The following SYT9 variants were observed in gnomAD, a reference collection of about 807,000 sequenced individuals.
The protein encoded by SYT9 is synaptotagmin 9.
In SYT9, 22 loss-of-function variants were observed where a neutral mutation model predicts 48.4. The observed-to-expected ratio is 0.45, with a 90% confidence interval of 0.32 to 0.65. SYT9 has a LOEUF of 0.65. Among genes scored for constraint, SYT9 ranks in the 30% least tolerant of loss-of-function variants. The pLI, the probability that SYT9 is intolerant of heterozygous loss-of-function variation, is 0.03. For missense variants in SYT9, 577 were observed against 622.0 expected (o/e 0.93, Z 0.77); for synonymous variants, 265 against 245.0 (o/e 1.08, Z -0.76).
intron 6 of SYT9, among the ~76,000 whole-genome samples, chr11:7,431,599 C>T (rs1847572666): frequency 6.6e-6 from 1 of 152,138 alleles, no homozygotes; most frequent in South Asian, 2.1e-4. Context: ...TGGCAGCAGC[C>T]CCTCTCATTA....
At chr11:7,315,177 C>T (rs1019675764) in intron 3 of SYT9, among the ~76,000 whole-genome samples, 9 of 152,174 alleles carry the variant, frequency 5.9e-5, no homozygotes, top group Admixed American at 4.6e-4. Flanking sequence ...CAGAGAATAG[C>T]AGTTGATGAA....
At chr11:7,305,725 C>G (rs944171405) in intron 2 of SYT9, among the ~76,000 whole-genome samples, 2 of 152,104 alleles carry the variant, frequency 1.3e-5, no homozygotes, top group Non-Finnish European at 2.9e-5. Context: ...CTGCCGACAC[C>G]GTCTTACTGC....
chr11:7,283,797 G>T (rs1848548289), intron 1 of SYT9, among the ~76,000 whole-genome samples: 1 of 152,070 alleles, frequency 6.6e-6, no homozygotes, highest in South Asian at 2.1e-4. Flanking sequence ...TCAATGAATT[G>T]CCTTATCACA....
chr11:7,362,321 T>C (rs2134017454), intron 3 of SYT9, among the ~76,000 whole-genome samples: 1 of 151,856 alleles, frequency 6.6e-6, no homozygotes, highest in East Asian at 1.9e-4. Context: ...ATTTTTGTAT[T>C]TTTAGGTTTC....
intron 3 of SYT9, among the ~76,000 whole-genome samples, chr11:7,374,235 T>G (rs1260021148): frequency 6.6e-6 from 1 of 152,196 alleles, no homozygotes; most frequent in East Asian, 1.9e-4. Flanking sequence ...TCCCTGTCCC[T>G]GCAAAGGACA....
At position 7,418,456 on chromosome 11, in the gene SYT9, C is replaced by T. The variant is rs557237704; in HGVS notation, c.1337+328C>T. ...CTCAGCTTGGAGAGCTGTGGCCCCA[C>T]AGGTTTTATCTTCTGTCAGGCAGTG... On this transcript the variant is annotated intron_variant, in intron 5 of 6. Coordinates refer to ENST00000318881, the MANE Select transcript of SYT9 (RefSeq NM_175733.4). Among the ~76,000 whole-genome samples, 31 of 152,332 alleles carry T rather than the reference C, an allele frequency of 2.0e-4. No homozygotes were observed. In the South Asian group the frequency reaches 6.4e-3, roughly 32 times the overall value.
At chr11:7,449,101 T>G (rs1847991671) in intron 6 of SYT9, among the ~76,000 whole-genome samples, 1 of 151,986 alleles carries the variant, frequency 6.6e-6, no homozygotes, top group African/African-American at 2.4e-5. Context: ...CCCAGCGCTT[T>G]GGGAGGCCAA....
chr11:7,332,033 T>C (rs936150358), intron 3 of SYT9, among the ~76,000 whole-genome samples: 1 of 152,214 alleles, frequency 6.6e-6, no homozygotes, highest in Non-Finnish European at 1.5e-5. Flanking sequence ...AATCTTAATT[T>C]GGAATTCCTG....
In SYT9 at chr11:7,468,326, T is replaced by C. The variant is rs1244979806; in HGVS notation, c.*1526T>C. 2.5e-6 allele frequency: 1 copy of C among 398,514 alleles called. No homozygotes were observed. Among genetic ancestry groups the C allele is most frequent in the Non-Finnish European group, 4.4e-6 (1 of 226,056 alleles). 24.7% of individuals were successfully genotyped at this position (398,514 alleles called of 1,614,324 possible). A position where few individuals can be genotyped will look rare whatever the true frequency, so the allele number is the denominator to read the frequency against. ...TACTATACAAGAAGCTCTACTTTGA[T>C]GGCAGATCTAAGAAGGCTATAGGCC... On this transcript the variant is annotated 3_prime_UTR_variant, in exon 7 of 7. Coordinates refer to ENST00000318881, the MANE Select transcript of SYT9 (RefSeq NM_175733.4).
chr11:7,427,140 T>C (rs1212979005), intron 6 of SYT9: 1 of 152,078 alleles, frequency 6.6e-6, no homozygotes, highest in Non-Finnish European at 1.5e-5. Context: ...ATGAATTGAG[T>C]TCCCTTCGTT....
chr11:7,370,508 C>T (rs913252113), intron 3 of SYT9, among the ~76,000 whole-genome samples: 1 of 152,090 alleles, frequency 6.6e-6, no homozygotes, highest in Admixed American at 6.6e-5. Context: ...CAAAATTAGA[C>T]TGTGATGATG....
In SYT9 at chr11:7,468,163, A is replaced by G. The variant is rs1431465677; in HGVS notation, c.*1363A>G. On this transcript the variant is annotated 3_prime_UTR_variant, in exon 7 of 7. Coordinates refer to ENST00000318881, the MANE Select transcript of SYT9 (RefSeq NM_175733.4). ...TTTCACACAATCTCTTTACAGCAGA[A>G]TCCAGAGTTGGATTGTAGTTTACCT... is the stretch of plus-strand genomic sequence containing the variant. 2.3e-5 allele frequency: 9 copies of G among 398,146 alleles called. No individual in the cohort carries two copies. Among genetic ancestry groups the G allele is most frequent in the Non-Finnish European group, 3.5e-5 (8 of 225,836 alleles). 24.7% of individuals were successfully genotyped at this position (398,146 alleles called of 1,614,324 possible).
At chr11:7,265,502 A>G (rs2119817659) in intron 1 of SYT9, among the ~76,000 whole-genome samples, 1 of 152,278 alleles carries the variant, frequency 6.6e-6, no homozygotes, top group South Asian at 2.1e-4. Context: ...ATACCTCTAC[A>G]CAGCTAGGGT....
intron 1 of SYT9, among the ~76,000 whole-genome samples, chr11:7,292,397 G>A (rs1482415978): frequency 2.6e-5 from 4 of 152,196 alleles, no homozygotes; most frequent in African/African-American, 9.6e-5. Context: ...TTATACAGAT[G>A]CAAGTGCATA....
intron 1 of SYT9, among the ~76,000 whole-genome samples, chr11:7,274,914 G>C (rs1848360123): frequency 6.6e-6 from 1 of 151,930 alleles, no homozygotes; most frequent in Non-Finnish European, 1.5e-5. Flanking sequence ...AGCATTATTT[G>C]AAGTTTTGGT....
intron 3 of SYT9, among the ~76,000 whole-genome samples, chr11:7,316,527 A>G (rs1849246699): frequency 6.6e-6 from 1 of 152,198 alleles, no homozygotes; most frequent in South Asian, 2.1e-4. Context: ...ATATTAATAT[A>G]TGACAAATTT....
At chr11:7,253,579 T>C (rs371305817) in intron 1 of SYT9, among the ~76,000 whole-genome samples, 3 of 23,346 alleles carry the variant, frequency 1.3e-4, no homozygotes, top group Admixed American at 7.7e-4. Flanking sequence ...TACCAGAGGC[T>C]TTTTTTTCCT....
At chr11:7,371,255 T>G (rs933152278) in intron 3 of SYT9, among the ~76,000 whole-genome samples, 1 of 152,120 alleles carries the variant, frequency 6.6e-6, no homozygotes, top group Non-Finnish European at 1.5e-5. Flanking sequence ...AATAGTGGTC[T>G]TGCTCTGGAA....
chr11:7,381,052 T>A (rs1834983070), intron 3 of SYT9, among the ~76,000 whole-genome samples: 1 of 152,174 alleles, frequency 6.6e-6, no homozygotes, highest in African/African-American at 2.4e-5. Flanking sequence ...TGGATAATAC[T>A]TAGGTTGTTG....
Sources: gnomAD v4.1 joint callset for allele counts (sites outside exome capture counted in the v4.1 genomes callset) on GRCh38, gnomAD v4.1.1 for gene constraint, MANE v1.5 for transcripts, NCBI Gene and HGNC (gene_info 2026-07-23, HGNC 2026-07-21) for gene names.